HERC3: variants seen among roughly 807,000 people sequenced by gnomAD.
HERC3 encodes the protein HECT and RLD domain containing E3 ubiquitin protein ligase 3.
Under a neutral mutation model 129.9 loss-of-function variants are expected in HERC3, and 58 were observed. The ratio of observed to expected loss-of-function variants is 0.45; its 90% CI spans 0.36 to 0.56. The LOEUF (loss-of-function observed/expected upper bound fraction) is 0.56. HERC3 is among the 20% of genes least tolerant of loss of function. The pLI is 0.00. For missense variants in HERC3, 835 were observed against 1,244.2 expected, an observed-to-expected ratio of 0.67 and a Z score of 4.95; for synonymous variants, 430 against 451.0, an observed-to-expected ratio of 0.95 and a Z score of 0.59.
At chr4:88,601,831 C>T (rs907459923) in intron 2 of HERC3, among the ~76,000 whole-genome samples, 2 of 91,952 alleles carry the variant, frequency 2.2e-5, no homozygotes, top group African/African-American at 1.7e-4. Context: ...CCGAGGCGGG[C>T]GGATCACGAG....
chr4:88,591,497 C>T (rs941536847), upstream of HERC3, among the ~76,000 whole-genome samples: 6 of 152,140 alleles, frequency 3.9e-5, no homozygotes, highest in Non-Finnish European at 7.3e-5. Flanking sequence ...AAAGGGCCTT[C>T]CTGCTTCAAA....
intron 3 of HERC3, 144 bp downstream of exon 3, chr4:88,606,193 T>C (rs943207178): frequency 3.5e-6 from 2 of 578,844 alleles, no homozygotes; most frequent in Admixed American, 3.1e-5. Context: ...TCCTTCCTGT[T>C]TGGAACCCTT....
At chr4:88,589,519 G>A (rs190880854), upstream of HERC3, among the ~76,000 whole-genome samples, 1 of 152,200 alleles carries the variant, frequency 6.6e-6, no homozygotes, top group African/African-American at 2.4e-5. Flanking sequence ...GTACTGTTTT[G>A]CTTACCAATG....
the HERC3 span, among the ~76,000 whole-genome samples, chr4:88,525,853 G>A: frequency 6.6e-6 from 1 of 152,178 alleles, no homozygotes; most frequent in Non-Finnish European, 1.5e-5. Context: ...ATAGGATCAT[G>A]GGACTGGAAC....
chr4:88,695,181 G>C (rs1377837872), intron 23 of HERC3, among the ~76,000 whole-genome samples: 3 of 152,024 alleles, frequency 2.0e-5, no homozygotes, highest in Non-Finnish European at 1.5e-5. Flanking sequence ...GTATTATTCT[G>C]ATTTTCTCTT....
At position 88,681,254 on chromosome 4, in the gene HERC3, T is replaced by C. The variant is rs777451446; in HGVS notation, c.2436T>C (p.Ala812=). 6.2e-7 allele frequency: 1 copy of C among 1,614,024 alleles called. No individual in the cohort carries two copies. Among genetic ancestry groups the C allele is most frequent in the Non-Finnish European group, 8.5e-7 (1 of 1,179,892 alleles). Residue 812 remains alanine (A), a synonymous_variant, in exon 21 of 26, where the codon GCT becomes GCC. Transcript: ENST00000402738. The part of the protein sequence containing the change: ...STVVDLHFPL[A]LYKKLLNVKP... ...TGGTCGATCTCCACTTCCCATTGGC[T>C]CTCTACAAGAAGTTACTCAATGTAA...
chr4:88,616,493 T>G (rs1724912412), intron 3 of HERC3, among the ~76,000 whole-genome samples: 1 of 152,202 alleles, frequency 6.6e-6, no homozygotes, highest in African/African-American at 2.4e-5. Flanking sequence ...ATCCACTGGC[T>G]CCTAGCCCAG....
chr4:88,666,001 T>C (rs1419331758), intron 12 of HERC3, among the ~76,000 whole-genome samples: 1 of 152,182 alleles, frequency 6.6e-6, no homozygotes, highest in Non-Finnish European at 1.5e-5. Context: ...TGGCATCCAG[T>C]GGGTAGAACC....
intron 21 of HERC3, among the ~76,000 whole-genome samples, chr4:88,682,497 A>C (rs1441971546): frequency 1.3e-5 from 1 of 75,682 alleles, no homozygotes; most frequent in Admixed American, 2.0e-4. Flanking sequence ...AACAGGCCCC[A>C]GTGTGTGATG....
intron 3 of HERC3, among the ~76,000 whole-genome samples, chr4:88,610,205 C>A (rs902155421): frequency 6.6e-6 from 1 of 152,090 alleles, no homozygotes; most frequent in Non-Finnish European, 1.5e-5. Flanking sequence ...CTGTAATCCC[C>A]GCACATTGGG....
chr4:88,674,897 A>G (rs1307202152), intron 16 of HERC3, among the ~76,000 whole-genome samples: 1 of 152,212 alleles, frequency 6.6e-6, no homozygotes, highest in Non-Finnish European at 1.5e-5. Flanking sequence ...AACAGGGTAG[A>G]TTTTAATTAA....
chr4:88,683,506 T>TA, intron 21 of HERC3, among the ~76,000 whole-genome samples: 1 of 152,228 alleles, frequency 6.6e-6, no homozygotes, highest in South Asian at 2.1e-4. Flanking sequence ...GTGTGTCCCT[T>TA]ACTTTGCTTA....
At chr4:88,660,086 T>G (rs922504151) in intron 10 of HERC3, among the ~76,000 whole-genome samples, 2 of 152,236 alleles carry the variant, frequency 1.3e-5, no homozygotes, top group Non-Finnish European at 2.9e-5. Context: ...TATGCACATT[T>G]ACTTAAACTA....
At chr4:88,625,726 G>A (rs887067260) in intron 3 of HERC3, among the ~76,000 whole-genome samples, 1 of 152,078 alleles carries the variant, frequency 6.6e-6, no homozygotes, top group East Asian at 1.9e-4. Context: ...TCCTCACCTT[G>A]TTCCTGATGA....
At chr4:88,609,435 G>A (rs544724577) in intron 3 of HERC3, among the ~76,000 whole-genome samples, 19 of 152,304 alleles carry the variant, frequency 1.2e-4, no homozygotes, top group Admixed American at 2.6e-4. Context: ...TTATGCTACC[G>A]TGCAGTTTCA....
intron 10 of HERC3, among the ~76,000 whole-genome samples, chr4:88,661,027 A>G (rs375876854): frequency 2.4e-4 from 37 of 152,320 alleles, no homozygotes; most frequent in African/African-American, 8.7e-4. Flanking sequence ...GTGATTCTGA[A>G]CTTGTACTTC....
chr4:88,536,622 A>T, the HERC3 span, among the ~76,000 whole-genome samples: 1 of 152,222 alleles, frequency 6.6e-6, no homozygotes, highest in Non-Finnish European at 1.5e-5. Context: ...CACATAGTAT[A>T]TGTTTAATAA....
intron 23 of HERC3, among the ~76,000 whole-genome samples, chr4:88,689,028 A>G (rs1733778022): frequency 6.6e-6 from 1 of 152,164 alleles, no homozygotes; most frequent in South Asian, 2.1e-4. Flanking sequence ...AGCTATGAAA[A>G]AAGATACAGA....
At chr4:88,697,548 A>G (rs1287128812) in intron 23 of HERC3, 2 of 1,614,032 alleles carry the variant, frequency 1.2e-6, no homozygotes, top group Non-Finnish European at 8.5e-7. Context: ...GGCTCTCGAT[A>G]AAGTCATTTT....
Sources: gnomAD v4.1 joint callset for allele counts (sites outside exome capture counted in the v4.1 genomes callset) on GRCh38, gnomAD v4.1.1 for gene constraint, MANE v1.5 for transcripts, NCBI Gene and HGNC (gene_info 2026-07-23, HGNC 2026-07-21) for gene names.